STK24: variants seen among roughly 807,000 people sequenced by gnomAD.
STK24 encodes the protein serine/threonine-protein kinase 24.
STK24 carries 21 observed loss-of-function variants against 55.6 expected under a neutral mutation model. The observed-to-expected ratio is 0.38, with a 90% CI of 0.27 to 0.54. The LOEUF is 0.54. STK24 is among the 20% of genes least tolerant of loss of function. The pLI is 0.79. For synonymous variants in STK24, 200 were observed against 215.2 expected, an observed-to-expected ratio of 0.93 and a Z score of 0.62; for missense variants, 383 against 538.4, an observed-to-expected ratio of 0.71 and a Z score of 2.86.
At chr13:98,523,266 T>G (rs1393946788) in intron 1 of STK24, among the ~76,000 whole-genome samples, 1 of 152,186 alleles carries the variant, frequency 6.6e-6, no homozygotes, top group African/African-American at 2.4e-5. Context: ...CCCGCTCCCA[T>G]ACTAAGAGTG....
At chr13:98,492,918 GA>G (rs1361413378) in intron 2 of STK24, among the ~76,000 whole-genome samples, 1 of 150,982 alleles carries the variant, frequency 6.6e-6, no homozygotes, top group Non-Finnish European at 1.5e-5. Context: ...AGAACCACAA[GA>G]AAAAAAAATT....
chr13:98,534,966 G>C (rs1190506058), intron 1 of STK24, among the ~76,000 whole-genome samples: 1 of 152,220 alleles, frequency 6.6e-6, no homozygotes, highest in Non-Finnish European at 1.5e-5. Context: ...AGCTGTTTGG[G>C]CAGCAGGCAA....
intron 1 of STK24, among the ~76,000 whole-genome samples, chr13:98,548,818 T>C (rs936994241): frequency 6.5e-5 from 8 of 122,944 alleles, no homozygotes; most frequent in Admixed American, 1.1e-4. Context: ...CCCAAGATCA[T>C]ACCACTGCAC....
At chr13:98,557,394 T>G (rs1391596364) in intron 1 of STK24, among the ~76,000 whole-genome samples, 3 of 152,218 alleles carry the variant, frequency 2.0e-5, no homozygotes, top group Non-Finnish European at 4.4e-5. Flanking sequence ...CCCCAAGGAC[T>G]TGGGTGCGTG....
rs575925719 is a variant in STK24 at position 98,447,528 on chromosome 13, C to G, written c.*5645G>C. 40 of 152,450 alleles carry G rather than the reference C, an allele frequency of 2.6e-4. No homozygotes were observed. Among genetic ancestry groups the G allele is most frequent in the African/African-American group, 8.9e-4 (37 of 41,542 alleles). The allele number at this position is 152,450 out of a possible 1,614,324, so 9.4% of individuals were successfully genotyped here. A position where few individuals can be genotyped will look rare whatever the true frequency, so the allele number is the denominator to read the frequency against. ...ACAAGGCCAGGTAATTTGGGGAGTCCGTCCTGCATTGTGCAGGATGTTCAG... is the reference window on the plus strand; with the variant it reads ...ACAAGGCCAGGTAATTTGGGGAGTCGGTCCTGCATTGTGCAGGATGTTCAG... On this transcript the variant is annotated 3_prime_UTR_variant, in exon 11 of 11. Coordinates refer to ENST00000539966, the MANE Select transcript of STK24 (RefSeq NM_001032296.4).
rs1003305625 is a variant in STK24, at chr13:98,475,375, A to G, written c.331-17T>C. On this transcript the variant is annotated splice_polypyrimidine_tract_variant and intron_variant, in intron 3 of 10. Transcript: ENST00000539966. ...AGGTTCTAACTAAGAAGAGAAAAAA[A>G]TTCTTAAAGTTACTTAAATGATTAT... is the stretch of plus-strand genomic sequence containing the variant. 2 of 1,546,584 alleles carry G rather than the reference A, an allele frequency of 1.3e-6. No individual in the cohort carries two copies. The highest frequency in any genetic ancestry group is 2.8e-5 in the African/African-American group (2 of 72,204).
At chr13:98,453,398 T>A in intron 10 of STK24, 189 bp from the exon 11 acceptor site, 2 of 611,522 alleles carry the variant, frequency 3.3e-6, no homozygotes, top group Non-Finnish European at 5.5e-6. Context: ...TCATGATTCT[T>A]ACACAAAAAC....
At chr13:98,456,574 G>C (rs1893466891) in intron 10 of STK24, 3 of 492,872 alleles carry the variant, frequency 6.1e-6, no homozygotes, top group African/African-American at 2.0e-5. Flanking sequence ...CAACAAGTTG[G>C]GAGGGGGCAG....
In STK24 at chr13:98,449,774, C is replaced by CTT. The variant is rs1344319502; in HGVS notation, c.*3397_*3398dup. 6.7e-6 allele frequency: 1 copy of CTT among 148,810 alleles called. No homozygotes were observed. The highest frequency in any genetic ancestry group is 1.5e-5 in the Non-Finnish European group (1 of 67,440). 9.2% of individuals were successfully genotyped at this position (148,810 alleles called of 1,614,324 possible). On this transcript the variant is annotated 3_prime_UTR_variant, in exon 11 of 11. Coordinates refer to ENST00000539966, the MANE Select transcript of STK24 (RefSeq NM_001032296.4). ...TGATGTTTTAAGGCAAAACAACCAA[C>CTT]TTTGTCTGTAGTCTTCATTTTCTGT...
In STK24 at chr13:98,506,278, T is replaced by C. The variant is rs151196036; in HGVS notation, c.273+12965A>G. Among the ~76,000 whole-genome samples, 279 of 152,266 alleles carry C rather than the reference T, an allele frequency of 1.8e-3. 2 individuals are homozygous for C. The highest frequency in any genetic ancestry group is 6.4e-3 in the African/African-American group (267 of 41,552). On this transcript the variant is annotated intron_variant, in intron 2 of 10. Coordinates refer to ENST00000539966, the MANE Select transcript of STK24 (RefSeq NM_001032296.4). ...CGTTCTCACGGACCCTGTGCTAGGATGCAAAGGTGACAAGGAAATAAAATA... is the reference window on the plus strand; with the variant it reads ...CGTTCTCACGGACCCTGTGCTAGGACGCAAAGGTGACAAGGAAATAAAATA...
At chr13:98,460,565 C>T (rs1893661546) in intron 8 of STK24, 125 bp from the exon 9 acceptor site, 1 of 720,562 alleles carries the variant, frequency 1.4e-6, no homozygotes, top group Non-Finnish European at 2.4e-6. Context: ...GCTGAGGAAA[C>T]ACCCTCTGCG....
chr13:98,531,855 C>T (rs554695003), intron 1 of STK24, among the ~76,000 whole-genome samples: 65 of 152,274 alleles, frequency 4.3e-4, no homozygotes, highest in African/African-American at 1.4e-3. Flanking sequence ...ACTGCATAGA[C>T]GCAGGACAGT....
At position 98,446,867 on chromosome 13, in the gene STK24, T is replaced by C. The variant is rs1300439001; in HGVS notation, c.*6306A>G. 1 of 1,593,884 alleles carries C rather than the reference T, an allele frequency of 6.3e-7. No individual in the cohort carries two copies. The highest frequency in any genetic ancestry group is 1.3e-5 in the African/African-American group (1 of 74,464). On this transcript the variant is annotated 3_prime_UTR_variant, in exon 11 of 11. Transcript: ENST00000539966. ...GGGCCCTGCAGAAGAGGACCCCCTCTTCCAAACATCAGGATTTCTCCCAAG... is the reference window on the plus strand; with the variant it reads ...GGGCCCTGCAGAAGAGGACCCCCTCCTCCAAACATCAGGATTTCTCCCAAG...
At chr13:98,534,747 C>T (rs972401861) in intron 1 of STK24, among the ~76,000 whole-genome samples, 15 of 152,230 alleles carry the variant, frequency 9.9e-5, no homozygotes, top group African/African-American at 3.4e-4. Flanking sequence ...AAAAAACCCA[C>T]TTCAATCTCC....
rs770368728 is a variant in STK24 at position 98,446,743 on chromosome 13, A to G, written c.*6430T>C. ...CCTCTGAGTCCGAGAACATCCAGAA[A>G]GACTACGTGTTCAAGCTGCACTTCA... On this transcript the variant is annotated 3_prime_UTR_variant, in exon 11 of 11. Transcript: ENST00000539966. 10 of 1,614,168 alleles carry G rather than the reference A, an allele frequency of 6.2e-6. No homozygotes were observed. The highest frequency in any genetic ancestry group is 7.6e-6 in the Non-Finnish European group (9 of 1,180,018).
chr13:98,551,738 C>T (rs958158681), intron 1 of STK24, among the ~76,000 whole-genome samples: 1 of 152,180 alleles, frequency 6.6e-6, no homozygotes, highest in Non-Finnish European at 1.5e-5. Flanking sequence ...GACTCCAATG[C>T]TTGCTGGAAT....
At chr13:98,565,837 A>G (rs1897552775) in intron 1 of STK24, among the ~76,000 whole-genome samples, 1 of 152,178 alleles carries the variant, frequency 6.6e-6, no homozygotes, top group South Asian at 2.1e-4. Context: ...TGAAAGTCCA[A>G]GTCACCGCCC....
At chr13:98,555,615 C>G (rs994211204) in intron 1 of STK24, among the ~76,000 whole-genome samples, 2 of 151,502 alleles carry the variant, frequency 1.3e-5, no homozygotes, top group African/African-American at 4.8e-5. Flanking sequence ...AAACCTCACT[C>G]TCAACAGAAA....
chr13:98,496,088 C>T (rs563607114), intron 2 of STK24, among the ~76,000 whole-genome samples: 1 of 152,350 alleles, frequency 6.6e-6, no homozygotes, highest in East Asian at 1.9e-4. Context: ...CTGCCCTACA[C>T]TCATGCGGGA....
Sources: allele counts gnomAD v4.1 joint callset (sites outside exome capture counted in the v4.1 genomes callset), GRCh38; gene constraint gnomAD v4.1.1; transcripts MANE v1.5; gene names NCBI Gene and HGNC (gene_info 2026-07-23, HGNC 2026-07-21).